The following WNT2B variants were observed in gnomAD, a reference collection of about 807,000 sequenced individuals.
WNT2B encodes Wnt family member 2B, also known as protein Wnt-2b.
In WNT2B, 19 loss-of-function variants were observed where a neutral mutation model predicts 40.5. The observed-to-expected ratio is 0.47, with a 90% confidence interval of 0.33 to 0.69. The LOEUF is 0.69. Ranked by LOEUF, WNT2B falls within the 30% of genes least tolerant of loss-of-function variation. The pLI is 0.02. For synonymous variants in WNT2B, 220 were observed against 211.9 expected, an observed-to-expected ratio of 1.04 and a Z score of -0.33; for missense variants, 467 against 556.4, an observed-to-expected ratio of 0.84 and a Z score of 1.62.
intron 1 of WNT2B, among the ~76,000 whole-genome samples, chr1:112,498,476 C>T (rs1230442468): frequency 6.6e-6 from 1 of 151,846 alleles, no homozygotes; most frequent in Non-Finnish European, 1.5e-5. Context: ...CTCAGGTGAT[C>T]CACCCACCTC....
At chr1:112,514,640 G>T in intron 1 of WNT2B, 1 of 572,162 alleles carries the variant, frequency 1.7e-6, no homozygotes, top group East Asian at 3.0e-5. Context: ...GCCTTTGGCT[G>T]GGGAACTGGT....
At chr1:112,483,459 A>G (rs1651293541) in intron 1 of WNT2B, among the ~76,000 whole-genome samples, 2 of 152,186 alleles carry the variant, frequency 1.3e-5, no homozygotes, top group Non-Finnish European at 2.9e-5. Context: ...GTCTCACACT[A>G]TATACAAAAA....
At position 112,515,909 on chromosome 1, in the gene WNT2B, G is replaced by A. The variant is rs1219336305; in HGVS notation, c.404-231G>A. Among the ~76,000 whole-genome samples, 1 of 152,158 alleles carries A rather than the reference G, an allele frequency of 6.6e-6. No homozygotes were observed. The highest frequency in any genetic ancestry group is 1.5e-5 in the Non-Finnish European group (1 of 68,032). ...AACAAGAGTATAGGTCAGCTCAAAA[G>A]GTCAGATATACAAAGAAGTGGATAG... is the stretch of plus-strand genomic sequence containing the variant. On this transcript the variant is annotated intron_variant, in intron 2 of 4. Transcript: ENST00000369684. This position sits in a 1 kb window ranked among gnomAD's most constrained non-coding sequence, Gnocchi z 4.4.
intron 1 of WNT2B, among the ~76,000 whole-genome samples, chr1:112,483,046 CAGAT>C (rs1651277980): frequency 6.6e-6 from 1 of 152,024 alleles, no homozygotes; most frequent in Non-Finnish European, 1.5e-5. Flanking sequence ...GTATTATAGC[CAGAT>C]ACAGGGTAGT....
rs1347929221 is a variant in WNT2B at position 112,516,267 on chromosome 1, T to C, written c.531T>C (p.His177=). 2.5e-6 allele frequency: 4 copies of C among 1,613,970 alleles called. No individual in the cohort carries two copies. The highest frequency in any genetic ancestry group is 2.7e-5 in the African/African-American group (2 of 74,862). ...SCDPYTRGRH[H]DQRGDFDWGG... ...ACCCCTACACCCGTGGCCGACACCA[T>C]GACCAGCGTGGGGACTTTGACTGGG... is the stretch of plus-strand genomic sequence containing the variant. The change falls in exon 3 of 5, where the codon CAT becomes CAC. Residue 177 remains histidine (H), a synonymous_variant. Transcript: ENST00000369684.
upstream of WNT2B, among the ~76,000 whole-genome samples, chr1:112,506,163 C>A (rs568003189): frequency 6.6e-6 from 1 of 152,156 alleles, no homozygotes; most frequent in Non-Finnish European, 1.5e-5. Context: ...TGCATGACCA[C>A]ACCTGGCTAA....
chr1:112,472,056 C>T (rs192731200), intron 1 of WNT2B, among the ~76,000 whole-genome samples: 1 of 152,176 alleles, frequency 6.6e-6, no homozygotes, highest in Non-Finnish European at 1.5e-5. Flanking sequence ...TTTATTCTCA[C>T]ACCTAAAAAA....
chr1:112,510,893 T>C (rs1421584360), intron 1 of WNT2B, among the ~76,000 whole-genome samples: 1 of 152,168 alleles, frequency 6.6e-6, no homozygotes, highest in Admixed American at 6.5e-5. Context: ...TTCATGAGCT[T>C]GGTCTGGCTG....
chr1:112,516,548 C>T lies in WNT2B; in HGVS notation c.681+131C>T, dbSNP rs1232058692. ...GGTCACTTCCAAAAGCCCCAACATCCTGGGACAGGAGAACTAAATGCAAGG... is the reference window on the plus strand; with the variant it reads ...GGTCACTTCCAAAAGCCCCAACATCTTGGGACAGGAGAACTAAATGCAAGG... On this transcript the variant is annotated intron_variant, in intron 3 of 4. Coordinates refer to ENST00000369684, the MANE Select transcript of WNT2B (RefSeq NM_024494.3). The T allele has an allele frequency of 3.2e-6, 4 of 1,264,272 alleles. No homozygotes were observed. In the Admixed American group the frequency reaches 8.2e-5, roughly 26 times the overall value. The allele number at this position is 1,264,272 out of a possible 1,614,324, so 78.3% of individuals were successfully genotyped here. A position where few individuals can be genotyped will look rare whatever the true frequency, so the allele number is the denominator to read the frequency against.
chr1:112,509,339 C>A lies in WNT2B; in HGVS notation c.77C>A (p.Ser26Ter), dbSNP rs754505082. The A allele has an allele frequency of 1.3e-6, 2 of 1,590,788 alleles. No individual in the cohort carries two copies. Among genetic ancestry groups the A allele is most frequent in the Non-Finnish European group, 1.7e-6 (2 of 1,175,258 alleles). The change falls in exon 1 of 5, where the codon TCG (serine) becomes TAG (stop). Residue 26 changes from serine (S) to a stop codon, truncating the protein, a stop_gained. Coordinates refer to ENST00000369684, the MANE Select transcript of WNT2B (RefSeq NM_024494.3). LOFTEE classifies it high-confidence loss of function. This position sits in a 1 kb window ranked among gnomAD's most constrained non-coding sequence, Gnocchi z 4.2. ...RRASAPVPVPSPAAPDGSRAS... is the reference protein window; with the variant it reads ...RRASAPVPVP The stretch of plus-strand genomic sequence containing the variant: ...GCCAGCGCCCCGGTCCCTGTGCCGT[C>A]GCCCGCGGCCCCCGACGGCTCCCGG...
At position 112,514,894 on chromosome 1, in the gene WNT2B, C is replaced by A; in HGVS notation, c.203C>A (p.Ala68Glu). The A allele has an allele frequency of 6.2e-7, 1 of 1,614,224 alleles. No homozygotes were observed. The highest frequency in any genetic ancestry group is 2.2e-5 in the East Asian group (1 of 44,888). ...TSWWYIGALG[A>E]RVICDNIPGL... ...TGCAGGTACATTGGGGCACTGGGGGCACGAGTGATCTGTGACAATATCCCT... is the reference window on the plus strand; with the variant it reads ...TGCAGGTACATTGGGGCACTGGGGGAACGAGTGATCTGTGACAATATCCCT... The change falls in exon 2 of 5, where the codon GCA becomes GAA. Residue 68 changes from alanine to glutamate, a missense_variant. This residue lies in a region of WNT2B where 137 missense variants were observed against 117.7 expected (regional missense o/e 1.16). Coordinates refer to ENST00000369684, the MANE Select transcript of WNT2B (RefSeq NM_024494.3).
intron 1 of WNT2B, among the ~76,000 whole-genome samples, chr1:112,479,948 G>A (rs981803708): frequency 3.9e-5 from 6 of 152,002 alleles, no homozygotes; most frequent in South Asian, 2.1e-4. Context: ...TCCTGACCTC[G>A]TGATCTGCCT....
chr1:112,485,235 C>A (rs1044065661), intron 1 of WNT2B, among the ~76,000 whole-genome samples: 1 of 152,104 alleles, frequency 6.6e-6, no homozygotes, highest in Non-Finnish European at 1.5e-5. Context: ...CCAATGCTGG[C>A]AGATCACCTG....
exon 1 of WNT2B, chr1:112,467,266 G>C: frequency 1.3e-5 from 6 of 458,136 alleles, no homozygotes; most frequent in Admixed American, 4.0e-5. Context: ...AACTCGACAG[G>C]AAAGGGCATG....
chr1:112,493,454 C>CA (rs1018076607), intron 1 of WNT2B, among the ~76,000 whole-genome samples: 20 of 151,902 alleles, frequency 1.3e-4, no homozygotes, highest in Non-Finnish European at 7.4e-5. Context: ...CCTGCCTTTA[C>CA]AAAAAAATGT....
chr1:112,525,857 AT>A lies in WNT2B; in HGVS notation c.*5349del. The A allele has an allele frequency of 9.7e-7, 1 of 1,029,640 alleles. No individual in the cohort carries two copies. The highest frequency in any genetic ancestry group is 1.3e-6 in the Non-Finnish European group (1 of 743,796). The allele number at this position is 1,029,640 out of a possible 1,614,324, so 63.8% of individuals were successfully genotyped here. A position where few individuals can be genotyped will look rare whatever the true frequency, so the allele number is the denominator to read the frequency against. On this transcript the variant is annotated 3_prime_UTR_variant, in exon 5 of 5. Coordinates refer to ENST00000369684, the MANE Select transcript of WNT2B (RefSeq NM_024494.3). The stretch of plus-strand genomic sequence containing the variant: ...GCTTCCAAGGGGGGTTTGCCTAGGA[AT>A]AACAATATTCATAAGAAGCTTTTTC...
intron 1 of WNT2B, among the ~76,000 whole-genome samples, chr1:112,479,399 C>A (rs1651151607): frequency 1.3e-5 from 2 of 151,508 alleles, no homozygotes; most frequent in Admixed American, 1.3e-4. Flanking sequence ...CATGGTGAAA[C>A]CCCGTCTCTA....
At position 112,524,249 on chromosome 1, in the gene WNT2B, A is replaced by G. The variant is rs1412441827; in HGVS notation, c.*3740A>G. The G allele has an allele frequency of 6.6e-6, 1 of 152,570 alleles. No individual in the cohort carries two copies. The highest frequency in any genetic ancestry group is 1.9e-4 in the East Asian group (1 of 5,196). The allele number at this position is 152,570 out of a possible 1,614,324, so 9.5% of individuals were successfully genotyped here. A position where few individuals can be genotyped will look rare whatever the true frequency, so the allele number is the denominator to read the frequency against. ...ATGGCTTAACAGAAGAGAGATAATT[A>G]GGATTTTTTTTTCCTCAGTCTTTCT... On this transcript the variant is annotated 3_prime_UTR_variant, in exon 5 of 5. Transcript: ENST00000369684.
chr1:112,479,496 C>G (rs1651156228), intron 1 of WNT2B, among the ~76,000 whole-genome samples: 1 of 151,718 alleles, frequency 6.6e-6, no homozygotes, highest in Non-Finnish European at 1.5e-5. Flanking sequence ...ATCGCTGGAA[C>G]CTGGGAGACA....
Sources: allele counts gnomAD v4.1 joint callset (sites outside exome capture counted in the v4.1 genomes callset), GRCh38; gene constraint gnomAD v4.1.1; regional missense constraint gnomAD v4.1.1; non-coding constraint Gnocchi (gnomAD v3.1); transcripts MANE v1.5; gene names NCBI Gene and HGNC (gene_info 2026-07-23, HGNC 2026-07-21).